PPP6R2: variants seen among roughly 807,000 people sequenced by gnomAD.
PPP6R2 encodes the protein serine/threonine-protein phosphatase 6 regulatory subunit 2.
In PPP6R2, 62 loss-of-function variants were observed where a neutral mutation model predicts 100.2. That is an observed-to-expected ratio of 0.62 (90% CI 0.50 to 0.76). The LOEUF is 0.76. PPP6R2 is among the 30% of genes least tolerant of loss of function. PPP6R2 has a pLI of 0.00. For synonymous variants in PPP6R2, 525 were observed against 514.7 expected, an observed-to-expected ratio of 1.02 and a Z score of -0.27; for missense variants, 1,142 against 1,276.3, an observed-to-expected ratio of 0.89 and a Z score of 1.60.
In PPP6R2 at chr22:50,437,877, A is replaced by G; in HGVS notation, c.1816A>G (p.Asn606Asp). The G allele has an allele frequency of 6.4e-7, 1 of 1,554,790 alleles. No individual in the cohort carries two copies. Among genetic ancestry groups the G allele is most frequent in the Non-Finnish European group, 8.7e-7 (1 of 1,148,970 alleles). Residue 606 changes from asparagine (N) to aspartate (D), a missense_variant, in exon 17 of 24, where the codon AAC becomes GAC. Around this residue, in one of 2 missense-constraint regions of PPP6R2, gnomAD observed 550 missense variants for 517.4 expected, o/e 1.06. Coordinates refer to ENST00000612753, the MANE Select transcript of PPP6R2 (RefSeq NM_001242898.2). ...TGACAGGATCGCAGAGATCAACTTC[A>G]ACATCGACGCTGACGAGGACAGTGT... ...PFDRIAEINFNIDADEDSPSA... is the reference protein window; with the variant it reads ...PFDRIAEINFDIDADEDSPSA...
intron 1 of PPP6R2, among the ~76,000 whole-genome samples, chr22:50,369,820 C>T (rs10775810): frequency 0.21 from 31,343 of 150,904 alleles, 4,710 homozygotes; most frequent in African/African-American, 0.42. Context: ...ACTGCAGCCT[C>T]GAACTCCTGT....
intron 10 of PPP6R2, among the ~76,000 whole-genome samples, chr22:50,430,483 G>A (rs370385108): frequency 1.3e-5 from 2 of 152,362 alleles, no homozygotes; most frequent in South Asian, 2.1e-4. Flanking sequence ...AGCAAAATGT[G>A]TAGAATGTAG....
intron 1 of PPP6R2, among the ~76,000 whole-genome samples, chr22:50,358,834 A>G (rs908314289): frequency 6.6e-6 from 1 of 152,058 alleles, no homozygotes; most frequent in Non-Finnish European, 1.5e-5. Context: ...ATTCAATTCC[A>G]TTGGAACCTT....
intron 2 of PPP6R2, among the ~76,000 whole-genome samples, chr22:50,378,425 A>G (rs2052105272): frequency 6.6e-6 from 1 of 151,974 alleles, no homozygotes; most frequent in Non-Finnish European, 1.5e-5. Context: ...CATCTCTACT[A>G]AAAATACAAA....
At chr22:50,436,524 C>A in intron 14 of PPP6R2, 72 bp downstream of exon 14, 1 of 1,470,900 alleles carries the variant, frequency 6.8e-7, no homozygotes, top group Non-Finnish European at 9.3e-7. Flanking sequence ...CCTGCCTTTG[C>A]CCTGAGGCAG....
At chr22:50,373,221 G>A (rs1207937432) in intron 2 of PPP6R2, among the ~76,000 whole-genome samples, 2 of 149,468 alleles carry the variant, frequency 1.3e-5, no homozygotes, top group Non-Finnish European at 3.0e-5. Context: ...GGATAAATTA[G>A]AATAAATATA....
chr22:50,364,092 G>A (rs1433789604), intron 1 of PPP6R2, among the ~76,000 whole-genome samples: 3 of 151,734 alleles, frequency 2.0e-5, no homozygotes, highest in Non-Finnish European at 4.4e-5. Flanking sequence ...AGACGGGGTT[G>A]CACCATGTTA....
At chr22:50,373,522 C>G (rs558283801) in intron 2 of PPP6R2, among the ~76,000 whole-genome samples, 1 of 151,552 alleles carries the variant, frequency 6.6e-6, no homozygotes, top group Admixed American at 6.6e-5. Flanking sequence ...GGATTACAGG[C>G]GTGAGCCACC....
At chr22:50,405,187 G>A (rs1054958903) in intron 3 of PPP6R2, among the ~76,000 whole-genome samples, 2 of 152,222 alleles carry the variant, frequency 1.3e-5, no homozygotes, top group Non-Finnish European at 2.9e-5. Context: ...CAGTGGAGGG[G>A]AAGATGGAAA....
intron 4 of PPP6R2, among the ~76,000 whole-genome samples, chr22:50,407,207 C>T (rs1056407434): frequency 2.0e-5 from 3 of 152,048 alleles, no homozygotes; most frequent in Admixed American, 6.6e-5. Flanking sequence ...ATTAGCTGAG[C>T]GTGGTGGTGC....
At chr22:50,434,676 C>T (rs1203737213) in intron 12 of PPP6R2, among the ~76,000 whole-genome samples, 4 of 92,498 alleles carry the variant, frequency 4.3e-5, no homozygotes, top group African/African-American at 1.4e-4. Flanking sequence ...CGGGCACTTG[C>T]CCTGGAGGTG....
At chr22:50,349,881 G>A (rs2044633985) in intron 1 of PPP6R2, among the ~76,000 whole-genome samples, 1 of 151,404 alleles carries the variant, frequency 6.6e-6, no homozygotes, top group Admixed American at 6.6e-5. Flanking sequence ...AGTTTGGGAG[G>A]CCGAGGCGGG....
chr22:50,356,346 C>T (rs1258880092), intron 1 of PPP6R2, among the ~76,000 whole-genome samples: 1 of 145,668 alleles, frequency 6.9e-6, no homozygotes, highest in Admixed American at 7.0e-5. Flanking sequence ...TCTGTCATCT[C>T]GGCTGGAATG....
chr22:50,337,513 GGT>G, the PPP6R2 span, among the ~76,000 whole-genome samples: 5 of 138,074 alleles, frequency 3.6e-5, no homozygotes, highest in Admixed American at 2.2e-4. Flanking sequence ...CGGTGTGTGG[GGT>G]GTGTGCGTGT....
At chr22:50,415,457 G>A (rs550005534) in intron 5 of PPP6R2, among the ~76,000 whole-genome samples, 17 of 152,380 alleles carry the variant, frequency 1.1e-4, no homozygotes, top group African/African-American at 3.6e-4. Context: ...GGTCATAGCC[G>A]TTAGTGGGAA....
intron 2 of PPP6R2, among the ~76,000 whole-genome samples, chr22:50,372,580 T>C (rs542632968): frequency 8.6e-4 from 131 of 152,118 alleles, no homozygotes; most frequent in African/African-American, 3.0e-3. Flanking sequence ...AAAAAACAGA[T>C]GTGCTCATGG....
At chr22:50,393,466 C>T in intron 2 of PPP6R2, 2 of 984,812 alleles carry the variant, frequency 2.0e-6, no homozygotes, top group Non-Finnish European at 2.4e-6. Flanking sequence ...CACCTGGGCG[C>T]ATTCGCCTAA....
At chr22:50,417,735 G>A (rs978794879) in intron 6 of PPP6R2, among the ~76,000 whole-genome samples, 3 of 152,176 alleles carry the variant, frequency 2.0e-5, no homozygotes, top group Non-Finnish European at 2.9e-5. Context: ...CAAGGAGGCC[G>A]CCCTGCCTGA....
rs142543775 is a variant in PPP6R2 at position 50,427,995 on chromosome 22, T to G, written c.1126-3178T>G. 9.2e-5 allele frequency among the ~76,000 whole-genome samples: 14 copies of G among 152,222 alleles called. No homozygotes were observed. The East Asian group carries it at 2.7e-3, about 29-fold the overall frequency. On this transcript the variant is annotated intron_variant, in intron 10 of 23. Transcript: ENST00000612753. Reference sequence around the variant, plus strand: ...TTGGCCTCCCAAAGTGCTGGGATTATAGGCGTGAGCCACCACGCCCAGCCA... The same window carrying G: ...TTGGCCTCCCAAAGTGCTGGGATTAGAGGCGTGAGCCACCACGCCCAGCCA...
Sources: gnomAD v4.1 joint callset for allele counts (sites outside exome capture counted in the v4.1 genomes callset) on GRCh38, gnomAD v4.1.1 for gene constraint, gnomAD v4.1.1 regional missense constraint, MANE v1.5 for transcripts, NCBI Gene and HGNC (gene_info 2026-07-23, HGNC 2026-07-21) for gene names.